SCTR: variants seen among roughly 807,000 people sequenced by gnomAD.
SCTR encodes the protein secretin receptor.
SCTR carries 56 observed loss-of-function variants against 60.8 expected under a neutral mutation model. The observed-to-expected ratio is 0.92, with a 90% CI of 0.74 to 1.15. SCTR has a LOEUF of 1.15. SCTR is among the 50% of genes most tolerant of loss of function. The pLI is 0.00. For synonymous variants in SCTR, 202 were observed against 217.0 expected, an observed-to-expected ratio of 0.93 and a Z score of 0.61; for missense variants, 562 against 550.4, an observed-to-expected ratio of 1.02 and a Z score of -0.21.
At position 119,441,822 on chromosome 2, in the gene SCTR, G is replaced by T. The variant is rs533546479; in HGVS notation, c.1141-223C>A. 3.9e-5 allele frequency among the ~76,000 whole-genome samples: 6 copies of T among 152,210 alleles called. No homozygotes were observed. The South Asian group carries it at 1.2e-3, about 32-fold the overall frequency. On this transcript the variant is annotated intron_variant, in intron 11 of 12. Coordinates refer to ENST00000019103, the MANE Select transcript of SCTR (RefSeq NM_002980.3). Reference sequence around the variant, plus strand: ...TAAACTGTGAACTCCTTGCAGCCAAGGGTAGGCTCCCTTTTGAACACATAT... The same window carrying T: ...TAAACTGTGAACTCCTTGCAGCCAATGGTAGGCTCCCTTTTGAACACATAT...
At chr2:119,515,517 C>T (rs372123767) in intron 1 of SCTR, among the ~76,000 whole-genome samples, 3 of 152,244 alleles carry the variant, frequency 2.0e-5, no homozygotes, top group South Asian at 2.1e-4. Flanking sequence ...ACCATCCAAT[C>T]GGCTGGGCAC....
At position 119,465,899 on chromosome 2, in the gene SCTR, G is replaced by A; in HGVS notation, c.406-13C>T. On this transcript the variant is annotated splice_polypyrimidine_tract_variant and intron_variant, in intron 4 of 12. Coordinates refer to ENST00000019103, the MANE Select transcript of SCTR (RefSeq NM_002980.3). ...GCAGGTAGGAGTGCTGCAGAGAGAG[G>A]CACGTGTCAGCCCCGCCGGCCCTCC... is the stretch of plus-strand genomic sequence containing the variant. The A allele has an allele frequency of 6.3e-7, 1 of 1,589,106 alleles. No individual in the cohort carries two copies. Among genetic ancestry groups the A allele is most frequent in the Non-Finnish European group, 8.6e-7 (1 of 1,157,380 alleles).
At chr2:119,490,421 C>G (rs1346292641) in intron 2 of SCTR, among the ~76,000 whole-genome samples, 1 of 152,216 alleles carries the variant, frequency 6.6e-6, no homozygotes, top group East Asian at 1.9e-4. Context: ...CTTCCCTTCC[C>G]GCTCCTGCAC....
chr2:119,454,528 A>G (rs1450699067), intron 7 of SCTR, among the ~76,000 whole-genome samples: 1 of 152,058 alleles, frequency 6.6e-6, no homozygotes, highest in Non-Finnish European at 1.5e-5. Context: ...CAAGATAGAT[A>G]CCATATTTTG....
At chr2:119,496,624 G>A (rs1162184576) in intron 1 of SCTR, among the ~76,000 whole-genome samples, 1 of 152,180 alleles carries the variant, frequency 6.6e-6, no homozygotes, top group Non-Finnish European at 1.5e-5. Flanking sequence ...ATGACCCAGT[G>A]GTGAGTCCCA....
intron 7 of SCTR, among the ~76,000 whole-genome samples, chr2:119,459,176 T>G (rs929360496): frequency 6.6e-6 from 1 of 152,204 alleles, no homozygotes; most frequent in African/African-American, 2.4e-5. Flanking sequence ...GTCCAAACAA[T>G]AGGTATGTGG....
intron 1 of SCTR, among the ~76,000 whole-genome samples, chr2:119,500,603 A>G (rs987734243): frequency 6.6e-6 from 1 of 152,180 alleles, no homozygotes; most frequent in African/African-American, 2.4e-5. Flanking sequence ...TCATTATGCT[A>G]AGTGAAATAT....
At chr2:119,513,009 T>A (rs1278782240) in intron 1 of SCTR, among the ~76,000 whole-genome samples, 1 of 152,200 alleles carries the variant, frequency 6.6e-6, no homozygotes, top group African/African-American at 2.4e-5. Flanking sequence ...AGTAACATAG[T>A]CCTTGGAAAC....
rs561629309 is a variant in SCTR at position 119,439,984 on chromosome 2, G to T, written c.*133C>A. 3 of 925,088 alleles carry T rather than the reference G, an allele frequency of 3.2e-6. No homozygotes were observed. Among genetic ancestry groups the T allele is most frequent in the East Asian group, 2.6e-5 (1 of 37,744 alleles). The allele number at this position is 925,088 out of a possible 1,614,324, so 57.3% of individuals were successfully genotyped here. ...TCACATCCCTTCGGAAGAGTCCAAG[G>T]CCTGGGGAGGGGCATCTTCAGCTGA... On this transcript the variant is annotated 3_prime_UTR_variant, in exon 13 of 13. Transcript: ENST00000019103.
At chr2:119,504,126 A>G (rs1304576248) in intron 1 of SCTR, among the ~76,000 whole-genome samples, 1 of 152,210 alleles carries the variant, frequency 6.6e-6, no homozygotes, top group East Asian at 1.9e-4. Context: ...ATGCACAACC[A>G]ATTACTGACA....
chr2:119,476,252 G>A (rs560598732), intron 3 of SCTR, among the ~76,000 whole-genome samples: 1 of 152,290 alleles, frequency 6.6e-6, no homozygotes, highest in African/African-American at 2.4e-5. Flanking sequence ...GGAGGGGTGG[G>A]TGGGAGTTCT....
At chr2:119,452,196 G>A (rs113543354) in intron 8 of SCTR, 117 bp from the exon 9 acceptor site, 9 of 675,758 alleles carry the variant, frequency 1.3e-5, no homozygotes, top group East Asian at 5.4e-5. Context: ...TTGTGGCACT[G>A]AGCCCCTGCA....
At chr2:119,469,486 TA>T (rs1189972341) in intron 4 of SCTR, among the ~76,000 whole-genome samples, 1 of 151,942 alleles carries the variant, frequency 6.6e-6, no homozygotes, top group Non-Finnish European at 1.5e-5. Context: ...CTTCGGTCCT[TA>T]GCTTTTTTTT....
In SCTR at chr2:119,492,178, A is replaced by G. The variant is rs116366158; in HGVS notation, c.193+2250T>C. Among the ~76,000 whole-genome samples, 873 of 152,310 alleles carry G rather than the reference A, an allele frequency of 5.7e-3. 10 individuals are homozygous for G. The highest frequency in any genetic ancestry group is 0.019 in the African/African-American group (806 of 41,568). On this transcript the variant is annotated intron_variant, in intron 2 of 12. Coordinates refer to ENST00000019103, the MANE Select transcript of SCTR (RefSeq NM_002980.3). Reference sequence around the variant, plus strand: ...CAGCAGCCATTATATGACCATGAGGACAGAAGCCACACATTCAGGCAAAAG... The same window carrying G: ...CAGCAGCCATTATATGACCATGAGGGCAGAAGCCACACATTCAGGCAAAAG...
chr2:119,466,938 G>A (rs13403925), intron 4 of SCTR, among the ~76,000 whole-genome samples: 9,706 of 152,192 alleles, frequency 0.064, 1,012 homozygotes, highest in African/African-American at 0.22. Flanking sequence ...ACCAGGAAGA[G>A]GTAGAAGGGA....
chr2:119,489,579 G>T (rs945173928), intron 2 of SCTR, among the ~76,000 whole-genome samples: 1 of 152,172 alleles, frequency 6.6e-6, no homozygotes, highest in Non-Finnish European at 1.5e-5. Flanking sequence ...GTATCCTGCA[G>T]GAGTCGGGGT....
intron 2 of SCTR, chr2:119,479,363 C>T (rs1362981075): frequency 2.4e-6 from 2 of 832,284 alleles, no homozygotes; most frequent in South Asian, 5.5e-5. Flanking sequence ...ACACAGGGAT[C>T]CTGCATGAAT....
At chr2:119,454,834 A>C (rs1387496848) in intron 7 of SCTR, among the ~76,000 whole-genome samples, 1 of 146,148 alleles carries the variant, frequency 6.8e-6, no homozygotes, top group Non-Finnish European at 1.5e-5. Context: ...AGCCTGGGTG[A>C]CAAGAGAGGA....
chr2:119,454,928 T>G (rs1683315868), intron 7 of SCTR, among the ~76,000 whole-genome samples: 1 of 152,220 alleles, frequency 6.6e-6, no homozygotes, highest in African/African-American at 2.4e-5. Context: ...ACTATTTTGG[T>G]CACCTTGGGT....
Sources: allele counts gnomAD v4.1 joint callset (sites outside exome capture counted in the v4.1 genomes callset), GRCh38; gene constraint gnomAD v4.1.1; transcripts MANE v1.5; gene names NCBI Gene and HGNC (gene_info 2026-07-23, HGNC 2026-07-21).